The following SLC4A4 variants were observed in gnomAD, a reference collection of about 807,000 sequenced individuals.
SLC4A4 encodes the protein electrogenic sodium bicarbonate cotransporter 1.
In SLC4A4, 27 loss-of-function variants were observed where a neutral mutation model predicts 111.5. That is an observed-to-expected ratio of 0.24 (90% CI 0.18 to 0.33). The LOEUF (loss-of-function observed/expected upper bound fraction) is 0.33. SLC4A4 is among the 10% of genes least tolerant of loss of function. The probability of loss-of-function intolerance (pLI) is 1.00; values close to 1 mark genes in which losing one functional copy is unlikely to be tolerated. For synonymous variants in SLC4A4, 443 were observed against 463.4 expected, an observed-to-expected ratio of 0.96 and a Z score of 0.57; for missense variants, 909 against 1,315.5, an observed-to-expected ratio of 0.69 and a Z score of 4.78.
chr4:71,076,383 A>C (rs1741824726), intron 1 of SLC4A4, among the ~76,000 whole-genome samples: 1 of 152,074 alleles, frequency 6.6e-6, no homozygotes, highest in Admixed American at 6.6e-5. Context: ...ATACCAAAAA[A>C]TTAGCTGGCA....
intron 3 of SLC4A4, among the ~76,000 whole-genome samples, chr4:71,331,482 C>T (rs530809407): frequency 4.7e-5 from 7 of 148,862 alleles, no homozygotes; most frequent in Non-Finnish European, 1.0e-4. Context: ...GTTGCAGGGA[C>T]AGAAAACCAA....
intron 7 of SLC4A4, among the ~76,000 whole-genome samples, chr4:71,409,561 G>T (rs886909616): frequency 1.2e-4 from 18 of 152,194 alleles, no homozygotes; most frequent in African/African-American, 4.3e-4. Context: ...GCATTCAAAA[G>T]GTGACTTGGG....
chr4:71,064,894 T>C (rs1275317757), intron 1 of SLC4A4, among the ~76,000 whole-genome samples: 2 of 152,238 alleles, frequency 1.3e-5, no homozygotes, highest in Admixed American at 1.3e-4. Flanking sequence ...GTGATAATTC[T>C]ACCTCATGGA....
intron 18 of SLC4A4, among the ~76,000 whole-genome samples, chr4:71,536,463 TAC>T (rs369473147): frequency 0.033 from 1,829 of 56,198 alleles, 159 homozygotes; most frequent in African/African-American, 0.053. Context: ...TATACATATA[TAC>T]ATATATATAT....
At chr4:71,207,276 A>T (rs993095602) in intron 1 of SLC4A4, among the ~76,000 whole-genome samples, 3 of 152,222 alleles carry the variant, frequency 2.0e-5, no homozygotes, top group Non-Finnish European at 4.4e-5. Context: ...TATTGACACT[A>T]GTCTGAAGTC....
At chr4:71,173,661 C>G (rs1745006983) in intron 2 of SLC4A4, among the ~76,000 whole-genome samples, 1 of 152,160 alleles carries the variant, frequency 6.6e-6, no homozygotes, top group Non-Finnish European at 1.5e-5. Context: ...AGGCATAAGC[C>G]ACTGTGCCTG....
intron 16 of SLC4A4, among the ~76,000 whole-genome samples, chr4:71,519,000 A>T (rs1445733493): frequency 6.6e-6 from 1 of 152,180 alleles, no homozygotes. Flanking sequence ...TTCCCTCTCC[A>T]GGATGTGTTG....
chr4:71,377,647 G>T (rs945770010), intron 6 of SLC4A4, among the ~76,000 whole-genome samples: 2 of 152,076 alleles, frequency 1.3e-5, no homozygotes, highest in Non-Finnish European at 2.9e-5. Flanking sequence ...GATCTTCAGG[G>T]GTCTCTGCTC....
At chr4:71,563,731 A>G (rs749169041) in intron 23 of SLC4A4, 62 bp from the exon 24 acceptor site, 8 of 1,009,514 alleles carry the variant, frequency 7.9e-6, no homozygotes, top group Admixed American at 1.7e-5. Flanking sequence ...GATCGATGCT[A>G]GGAGATAGGA....
In SLC4A4 at chr4:71,156,581, C is replaced by CGT. The variant is rs1578533491; in HGVS notation, c.-2+63790_-2+63791insTG. On this transcript the variant is annotated intron_variant, in intron 2 of 26. Coordinates refer to the SLC4A4 transcript ENST00000649996. ...ATAAGTGTGTGCGCGCATGCGCGCG[C>CGT]GCGCGCGCACACACACACACACACA... Among the ~76,000 whole-genome samples the CGT allele has an allele frequency of 5.7e-5, 6 of 105,766 alleles. No homozygotes were observed. The South Asian group carries it at 1.9e-3, about 33-fold the overall frequency. The allele number at this position is 105,766 out of a possible 152,430, so 69.4% of individuals were successfully genotyped here.
In SLC4A4 at chr4:71,102,596, A is replaced by G. The variant is rs1468453528; in HGVS notation, c.-2+9804A>G. ...CTTGGCAGAAACTCTACAAGCCAGAAGAGAGTGGGGGCCAATATTCAACAT... is the reference window on the plus strand; with the variant it reads ...CTTGGCAGAAACTCTACAAGCCAGAGGAGAGTGGGGGCCAATATTCAACAT... On this transcript the variant is annotated intron_variant, in intron 2 of 26. Transcript: ENST00000649996. Among the ~76,000 whole-genome samples, 5 of 152,282 alleles carry G rather than the reference A, an allele frequency of 3.3e-5. No homozygotes were observed. In the East Asian group the frequency reaches 9.6e-4, roughly 29 times the overall value.
chr4:71,538,406 C>A (rs1367364086), intron 18 of SLC4A4, among the ~76,000 whole-genome samples: 1 of 152,088 alleles, frequency 6.6e-6, no homozygotes, highest in Non-Finnish European at 1.5e-5. Flanking sequence ...CACTTGAAAT[C>A]ATTCTTTTGA....
At chr4:71,071,146 C>A (rs1254608252) in intron 1 of SLC4A4, among the ~76,000 whole-genome samples, 4 of 151,966 alleles carry the variant, frequency 2.6e-5, no homozygotes, top group Non-Finnish European at 5.9e-5. Flanking sequence ...TGGCACACTC[C>A]TGTACTCCCA....
intron 1 of SLC4A4, among the ~76,000 whole-genome samples, chr4:71,088,063 G>T (rs1742245785): frequency 6.6e-6 from 1 of 151,826 alleles, no homozygotes; most frequent in Non-Finnish European, 1.5e-5. Flanking sequence ...GGTCTCTAAG[G>T]ACTTGCTTTA....
intron 4 of SLC4A4, among the ~76,000 whole-genome samples, chr4:71,340,450 T>A (rs187275618): frequency 7.2e-5 from 11 of 152,330 alleles, no homozygotes; most frequent in African/African-American, 2.6e-4. Context: ...AGTCCCTTAC[T>A]GTGCCTAATT....
intron 3 of SLC4A4, among the ~76,000 whole-genome samples, chr4:71,308,049 G>A (rs573578587): frequency 2.3e-4 from 35 of 152,072 alleles, no homozygotes; most frequent in African/African-American, 8.2e-4. Context: ...AAGTCTAAAT[G>A]CCTTATCAAA....
chr4:71,252,687 G>A (rs1414123093), intron 2 of SLC4A4, among the ~76,000 whole-genome samples: 17 of 152,096 alleles, frequency 1.1e-4, no homozygotes, highest in Non-Finnish European at 1.5e-5. Flanking sequence ...TGGTAGCTTC[G>A]CAGAGGCCAT....
chr4:71,415,491 G>T (rs146008652), intron 7 of SLC4A4, among the ~76,000 whole-genome samples: 1,996 of 152,214 alleles, frequency 0.013, 72 homozygotes, highest in Non-Finnish European at 0.011. Flanking sequence ...TTACTTTACA[G>T]ATGAGTAGGC....
chr4:71,518,903 T>C (rs4411952), intron 16 of SLC4A4, among the ~76,000 whole-genome samples: 65,136 of 152,026 alleles, frequency 0.43, 17,274 homozygotes, highest in African/African-American at 0.71. Flanking sequence ...GGGCCTACCC[T>C]TCATTTGGGT....
Sources: allele counts gnomAD v4.1 joint callset (sites outside exome capture counted in the v4.1 genomes callset), GRCh38; gene constraint gnomAD v4.1.1; transcripts MANE v1.5; gene names NCBI Gene and HGNC (gene_info 2026-07-23, HGNC 2026-07-21).